Variants in GBE1 observed in about 807,000 individuals in gnomAD.
GBE1 encodes the protein 1,4-alpha-glucan-branching enzyme.
In GBE1, 70 loss-of-function variants were observed where a neutral mutation model predicts 88.8. The observed-to-expected ratio is 0.79, with a 90% CI of 0.65 to 0.96. The LOEUF (loss-of-function observed/expected upper bound fraction) is 0.96, where lower values mean the gene tolerates loss of function less well. Ranked by LOEUF, GBE1 falls within the 40% of genes least tolerant of loss-of-function variation. The probability of loss-of-function intolerance (pLI) is 0.00; values close to 1 mark genes in which losing one functional copy is unlikely to be tolerated. For missense variants in GBE1, 872 were observed against 871.0 expected (o/e 1.00, Z -0.01); for synonymous variants, 284 against 300.1 (o/e 0.95, Z 0.56).
At chr3:81,706,546 G>A (rs1705777844) in intron 1 of GBE1, among the ~76,000 whole-genome samples, 1 of 152,150 alleles carries the variant, frequency 6.6e-6, no homozygotes. Context: ...ACTAGGCAAT[G>A]CCAATAAGCT....
At chr3:81,500,749 A>G (rs1702575391) in intron 14 of GBE1, among the ~76,000 whole-genome samples, 1 of 152,230 alleles carries the variant, frequency 6.6e-6, no homozygotes, top group Non-Finnish European at 1.5e-5. Context: ...TGCATTAGGC[A>G]TTGTCTAAAG....
intron 14 of GBE1, among the ~76,000 whole-genome samples, chr3:81,511,942 C>A (rs6769230): frequency 0.29 from 44,351 of 150,946 alleles, 6,711 homozygotes; most frequent in East Asian, 0.43. Flanking sequence ...AGGGAATCAA[C>A]GTAGGTGCCC....
At chr3:81,638,246 G>T (rs1402963786) in intron 7 of GBE1, among the ~76,000 whole-genome samples, 1 of 152,074 alleles carries the variant, frequency 6.6e-6, no homozygotes, top group Non-Finnish European at 1.5e-5. Context: ...ACCATATTAT[G>T]AACTCAAGCT....
chr3:81,627,403 C>T (rs1228224038), intron 7 of GBE1, among the ~76,000 whole-genome samples: 3 of 151,954 alleles, frequency 2.0e-5, no homozygotes, highest in East Asian at 1.9e-4. Context: ...TTATTGGCTT[C>T]GTATAAAGGA....
chr3:81,615,989 T>C (rs1047231762), intron 7 of GBE1, among the ~76,000 whole-genome samples: 4 of 152,198 alleles, frequency 2.6e-5, no homozygotes, highest in Non-Finnish European at 5.9e-5. Flanking sequence ...TATCTCATTG[T>C]AGTTTTAGTA....
chr3:81,531,698 G>A lies in GBE1; in HGVS notation c.1934+3497C>T, dbSNP rs560851000. ...TTTTACTGTGGCTGAGCTGGTATCC[G>A]AGTTATAAGAAAAAGTCCTCTTTAC... On this transcript the variant is annotated intron_variant, in intron 14 of 15. Coordinates refer to ENST00000429644, the MANE Select transcript of GBE1 (RefSeq NM_000158.4). 5.7e-4 allele frequency among the ~76,000 whole-genome samples: 86 copies of A among 151,826 alleles called. No homozygotes were observed. The East Asian group carries it at 0.013, about 23-fold the overall frequency.
chr3:81,559,871 T>A (rs1029990060), intron 12 of GBE1, among the ~76,000 whole-genome samples: 6 of 152,000 alleles, frequency 3.9e-5, no homozygotes, highest in Non-Finnish European at 5.9e-5. Context: ...ACAGTAGCTT[T>A]CCAATGTTGC....
At chr3:81,582,180 T>G (rs1477636514) in intron 10 of GBE1, among the ~76,000 whole-genome samples, 3 of 152,082 alleles carry the variant, frequency 2.0e-5, no homozygotes. Context: ...TTCTGATCAT[T>G]GCAGTGCGAA....
At chr3:81,593,139 G>C (rs1015324118) in intron 8 of GBE1, among the ~76,000 whole-genome samples, 9 of 152,114 alleles carry the variant, frequency 5.9e-5, no homozygotes, top group Admixed American at 5.2e-4. Flanking sequence ...AAGGCGGGCA[G>C]ATCACCTGAG....
At chr3:81,492,515 T>C (rs1376956460) in intron 15 of GBE1, among the ~76,000 whole-genome samples, 1 of 152,030 alleles carries the variant, frequency 6.6e-6, no homozygotes, top group Non-Finnish European at 1.5e-5. Flanking sequence ...ATTCCCTCCC[T>C]ACATCTTAGC....
chr3:81,740,766 G>GAACACA (rs1553695736), intron 1 of GBE1, among the ~76,000 whole-genome samples: 7 of 149,192 alleles, frequency 4.7e-5, no homozygotes, highest in Non-Finnish European at 1.5e-5. Flanking sequence ...GTTAGAAAGT[G>GAACACA]CACACACACA....
chr3:81,752,945 T>C (rs547189298), intron 1 of GBE1, among the ~76,000 whole-genome samples: 1 of 152,328 alleles, frequency 6.6e-6, no homozygotes, highest in African/African-American at 2.4e-5. Context: ...AATAATATTA[T>C]CATCAAACTA....
chr3:81,705,397 T>C, intron 2 of GBE1, 47 bp downstream of exon 2: 1 of 1,274,988 alleles, frequency 7.8e-7, no homozygotes, highest in Non-Finnish European at 1.1e-6. Context: ...ATGTATTAAA[T>C]AGTTAATAAG....
At chr3:81,514,098 T>C (rs1293823190) in intron 14 of GBE1, among the ~76,000 whole-genome samples, 1 of 151,556 alleles carries the variant, frequency 6.6e-6, no homozygotes, top group Non-Finnish European at 1.5e-5. Flanking sequence ...AATTAGAAAA[T>C]AATGCTACTA....
chr3:81,503,849 T>C (rs191791148), intron 14 of GBE1, among the ~76,000 whole-genome samples: 7 of 152,308 alleles, frequency 4.6e-5, no homozygotes, highest in Non-Finnish European at 7.4e-5. Context: ...TTTGAGATAA[T>C]TCATAAAGGA....
intron 7 of GBE1, among the ~76,000 whole-genome samples, chr3:81,623,119 C>G (rs988682079): frequency 5.3e-5 from 8 of 152,260 alleles, no homozygotes; most frequent in South Asian, 2.1e-4. Context: ...CTGAATAAAA[C>G]AGAAGAAAAC....
intron 7 of GBE1, among the ~76,000 whole-genome samples, chr3:81,623,045 C>T (rs1704354327): frequency 6.6e-6 from 1 of 152,174 alleles, no homozygotes; most frequent in South Asian, 2.1e-4. Flanking sequence ...TAATGTCATA[C>T]CATTTCCCTG....
At chr3:81,725,548 C>T (rs926990030) in intron 1 of GBE1, among the ~76,000 whole-genome samples, 2 of 152,048 alleles carry the variant, frequency 1.3e-5, no homozygotes, top group Non-Finnish European at 2.9e-5. Flanking sequence ...TAGTAGTACA[C>T]TGTAAAATAA....
At chr3:81,621,269 C>T (rs1342917528) in intron 7 of GBE1, among the ~76,000 whole-genome samples, 3 of 152,142 alleles carry the variant, frequency 2.0e-5, no homozygotes, top group Admixed American at 2.0e-4. Flanking sequence ...TATAATTATA[C>T]CTCCTGCTGT....
Sources: allele counts gnomAD v4.1 joint callset (sites outside exome capture counted in the v4.1 genomes callset), GRCh38; gene constraint gnomAD v4.1.1; transcripts MANE v1.5; gene names NCBI Gene and HGNC (gene_info 2026-07-23, HGNC 2026-07-21).